SLC2A9: variants seen among roughly 807,000 people sequenced by gnomAD.
SLC2A9 encodes solute carrier family 2, facilitated glucose transporter member 9.
A neutral mutation model predicts 50.6 loss-of-function variants in SLC2A9; 39 were observed. The ratio of observed to expected loss-of-function variants is 0.77; its 90% CI spans 0.60 to 1.01. SLC2A9 has a LOEUF of 1.01. Among genes scored for constraint, SLC2A9 ranks in the 50% least tolerant of loss-of-function variants. SLC2A9 has a pLI of 0.00. For synonymous variants in SLC2A9, 324 were observed against 276.9 expected (o/e 1.17, Z -1.69); for missense variants, 686 against 677.6 (o/e 1.01, Z -0.14).
At chr4:9,774,924 G>A (rs1385369548), downstream of SLC2A9, among the ~76,000 whole-genome samples, 3 of 152,034 alleles carry the variant, frequency 2.0e-5, no homozygotes, top group Admixed American at 6.6e-5. Context: ...TACCAGCAGA[G>A]CCACCCAGCC....
chr4:9,807,457 T>A (rs976624235), intron 3 of SLC2A9, among the ~76,000 whole-genome samples: 2 of 152,166 alleles, frequency 1.3e-5, no homozygotes, highest in Non-Finnish European at 2.9e-5. Context: ...TGAGCTTCCA[T>A]GGTTTATGTT....
chr4:9,959,716 T>C (rs1051975888), intron 5 of SLC2A9, among the ~76,000 whole-genome samples: 2 of 152,220 alleles, frequency 1.3e-5, no homozygotes, highest in Non-Finnish European at 2.9e-5. Context: ...AGTTGAAATA[T>C]GAATACTTTT....
intron 5 of SLC2A9, among the ~76,000 whole-genome samples, chr4:9,970,323 C>T (rs2109002906): frequency 6.6e-6 from 1 of 152,278 alleles, no homozygotes; most frequent in South Asian, 2.1e-4. Context: ...AGCCAGCCAA[C>T]TCGGGTGGCA....
chr4:9,931,924 C>CTCTA (rs1746021312), intron 6 of SLC2A9, among the ~76,000 whole-genome samples: 1 of 25,474 alleles, frequency 3.9e-5, no homozygotes, highest in Non-Finnish European at 6.2e-5. Context: ...CTCTCTCTCT[C>CTCTA]TCTCTCTCTC....
rs140770676 is a variant in SLC2A9, at chr4:9,973,173, G to T, written c.681+7419C>A. Among the ~76,000 whole-genome samples the T allele has an allele frequency of 2.4e-3, 359 of 152,220 alleles. 1 individual carries two copies. Among genetic ancestry groups the T allele is most frequent in the African/African-American group, 8.0e-3 (332 of 41,532 alleles). On this transcript the variant is annotated intron_variant, in intron 5 of 11. Coordinates refer to ENST00000264784, the MANE Select transcript of SLC2A9 (RefSeq NM_020041.3). ...CAGAGACTATTATGAACACTTCTAG[G>T]CACACAAACTAGAAAATCTAGAGGA... is the stretch of plus-strand genomic sequence containing the variant.
At position 9,847,947 on chromosome 4, in the gene SLC2A9, C is replaced by T. The variant is rs1346754295; in HGVS notation, c.1292-12939G>A. Among the ~76,000 whole-genome samples, 3 of 152,152 alleles carry T rather than the reference C, an allele frequency of 2.0e-5. No homozygotes were observed. The East Asian group carries it at 5.8e-4, about 29-fold the overall frequency. ...TTTCCTCCTGTTGTATCCAGAGACACTGCAAAAGTTAGAGGCAGAAAATAT... is the reference window on the plus strand; with the variant it reads ...TTTCCTCCTGTTGTATCCAGAGACATTGCAAAAGTTAGAGGCAGAAAATAT... On this transcript the variant is annotated intron_variant, in intron 10 of 11. Coordinates refer to ENST00000264784, the MANE Select transcript of SLC2A9 (RefSeq NM_020041.3).
downstream of SLC2A9, among the ~76,000 whole-genome samples, chr4:9,776,762 T>C (rs1441373785): frequency 3.9e-5 from 6 of 152,194 alleles, no homozygotes; most frequent in Non-Finnish European, 7.3e-5. Flanking sequence ...GCTTAAAGAC[T>C]GTAGCATTGA....
chr4:9,782,725 C>A (rs761902155), intron 3 of SLC2A9: 11 of 1,613,934 alleles, frequency 6.8e-6, no homozygotes, highest in Non-Finnish European at 9.3e-6. Flanking sequence ...CCTCGCTCAT[C>A]AGCTTCTACA....
chr4:9,817,366 C>T (rs185124671), intron 3 of SLC2A9, among the ~76,000 whole-genome samples: 3 of 152,342 alleles, frequency 2.0e-5, no homozygotes, highest in Admixed American at 2.0e-4. Flanking sequence ...GTTTGTCAGG[C>T]ACCTTCTACG....
chr4:9,813,232 A>G (rs1232841561), intron 3 of SLC2A9, among the ~76,000 whole-genome samples: 3 of 152,184 alleles, frequency 2.0e-5, no homozygotes, highest in Non-Finnish European at 2.9e-5. Flanking sequence ...TGTGATACTC[A>G]TGGCTTTTCA....
chr4:9,942,302 G>A (rs1040472718), intron 5 of SLC2A9, among the ~76,000 whole-genome samples: 5 of 152,206 alleles, frequency 3.3e-5, no homozygotes, highest in Non-Finnish European at 5.9e-5. Flanking sequence ...TGAAAAGCAG[G>A]CGGCTCTGGT....
chr4:9,994,892 C>T (rs773773786), intron 3 of SLC2A9, among the ~76,000 whole-genome samples: 1 of 152,134 alleles, frequency 6.6e-6, no homozygotes, highest in African/African-American at 2.4e-5. Context: ...CTAGGACAAG[C>T]AAGAGGACCA....
chr4:9,882,612 G>A (rs1454686030), intron 10 of SLC2A9, among the ~76,000 whole-genome samples: 4 of 151,890 alleles, frequency 2.6e-5, no homozygotes, highest in African/African-American at 9.7e-5. Context: ...GGGAGGCTGA[G>A]GCAGGAGAAT....
chr4:9,883,877 T>A (rs1290985185), intron 10 of SLC2A9, among the ~76,000 whole-genome samples: 4 of 152,196 alleles, frequency 2.6e-5, no homozygotes, highest in African/African-American at 9.7e-5. Context: ...AAGTGCCAAC[T>A]CTGCATCCAG....
chr4:10,002,157 G>T (rs563983763), intron 2 of SLC2A9, among the ~76,000 whole-genome samples: 1 of 152,234 alleles, frequency 6.6e-6, no homozygotes, highest in Non-Finnish European at 1.5e-5. Flanking sequence ...CATAGGACCA[G>T]CTCTGGGAGT....
At chr4:9,982,524 G>C (rs1756055798) in intron 4 of SLC2A9, among the ~76,000 whole-genome samples, 1 of 152,142 alleles carries the variant, frequency 6.6e-6, no homozygotes, top group Non-Finnish European at 1.5e-5. Context: ...TTTAGTTAAG[G>C]AAATTCAGAG....
rs1967550 is a variant in SLC2A9 at position 9,783,641 on chromosome 4, G to T, written n.386-3576C>A. 0.57 allele frequency: 366,967 copies of T among 645,872 alleles called. 109,708 individuals carry two copies. The highest frequency in any genetic ancestry group is 0.64 in the Non-Finnish European group (239,806 of 374,254). The allele number at this position is 645,872 out of a possible 1,614,324, so 40.0% of individuals were successfully genotyped here. A position where few individuals can be genotyped will look rare whatever the true frequency, so the allele number is the denominator to read the frequency against. ...TTGGTAGTTCGAAGAATTGGCAGAAGCAGTTGCAATAAACTCAGTCAAATG... is the reference window on the plus strand; with the variant it reads ...TTGGTAGTTCGAAGAATTGGCAGAATCAGTTGCAATAAACTCAGTCAAATG... On this transcript the variant is annotated intron_variant and non_coding_transcript_variant, in intron 3 of 3. Coordinates refer to the SLC2A9 transcript ENST00000503803.
At chr4:9,935,980 T>G (rs1747000187) in intron 6 of SLC2A9, among the ~76,000 whole-genome samples, 1 of 152,180 alleles carries the variant, frequency 6.6e-6, no homozygotes, top group South Asian at 2.1e-4. Flanking sequence ...GGGAGGCACA[T>G]CTATGAATCT....
intron 2 of SLC2A9, among the ~76,000 whole-genome samples, chr4:10,002,393 T>A (rs1312250785): frequency 6.6e-6 from 1 of 152,216 alleles, no homozygotes; most frequent in Admixed American, 6.5e-5. Flanking sequence ...GCCTGAGAGT[T>A]ATATAACCTG....
Sources: allele counts gnomAD v4.1 joint callset (sites outside exome capture counted in the v4.1 genomes callset), GRCh38; gene constraint gnomAD v4.1.1; transcripts MANE v1.5; gene names NCBI Gene and HGNC (gene_info 2026-07-23, HGNC 2026-07-21).